The following ANKRD30B variants were observed in gnomAD, a reference collection of about 807,000 sequenced individuals.
ANKRD30B encodes the protein ankyrin repeat domain 30B, also known as ankyrin repeat domain-containing protein 30B.
A neutral mutation model predicts 202.2 loss-of-function variants in ANKRD30B; 144 were observed. That is an observed-to-expected ratio of 0.71 (90% CI 0.62 to 0.82). The LOEUF is 0.82. ANKRD30B is among the 40% of genes least tolerant of loss of function. The pLI is 0.00. For missense variants in ANKRD30B, 1,487 were observed against 1,669.1 expected (o/e 0.89, Z 1.90); for synonymous variants, 508 against 561.3 (o/e 0.91, Z 1.34).
chr18:14,832,084 T>C (rs1215373721), intron 34 of ANKRD30B, among the ~76,000 whole-genome samples: 2 of 152,220 alleles, frequency 1.3e-5, no homozygotes, highest in African/African-American at 4.8e-5. Flanking sequence ...GAAAATTTAT[T>C]TGGGCATGAT....
chr18:14,886,654 G>T, the ANKRD30B span, among the ~76,000 whole-genome samples: 2 of 152,050 alleles, frequency 1.3e-5, no homozygotes, highest in African/African-American at 4.8e-5. Flanking sequence ...CTTTCAAAAT[G>T]AAGATTAGTT....
At chr18:14,916,071 A>G in the ANKRD30B span, among the ~76,000 whole-genome samples, 720 of 152,332 alleles carry the variant, frequency 4.7e-3, 5 homozygotes, top group African/African-American at 0.016. Flanking sequence ...ATCAATGCCT[A>G]TGGATACAGA....
rs779160851 is a variant in ANKRD30B, at chr18:14,784,531, A to G, written c.1668A>G (p.Arg556=). 1 of 1,612,716 alleles carries G rather than the reference A, an allele frequency of 6.2e-7. No homozygotes were observed. Among genetic ancestry groups the G allele is most frequent in the Non-Finnish European group, 8.5e-7 (1 of 1,179,058 alleles). The part of the protein sequence containing the change: ...AFELKNEQTL[R]AAQMFPSESK... The stretch of plus-strand genomic sequence containing the variant: ...AATTGAAGAATGAACAAACATTGAG[A>G]GCAGGTAAATTTTTCAATTTAACTA... Residue 556 remains arginine (R), a synonymous_variant, in exon 14 of 44, where the codon AGA becomes AGG. Transcript: ENST00000690538.
At position 14,822,582 on chromosome 18, in the gene ANKRD30B, A is replaced by G. The variant is rs747754115; in HGVS notation, c.2671-23A>G. 31 of 1,173,550 alleles carry G rather than the reference A, an allele frequency of 2.6e-5. No individual in the cohort carries two copies. The African/African-American group carries it at 4.3e-4, about 16-fold the overall frequency. The allele number at this position is 1,173,550 out of a possible 1,614,324, so 72.7% of individuals were successfully genotyped here. A position where few individuals can be genotyped will look rare whatever the true frequency, so the allele number is the denominator to read the frequency against. ...ATGAAGTATACATTATATAGTAATT[A>G]TTGTGTTTCCAAACCCATTTAGCCT... On this transcript the variant is annotated intron_variant, in intron 31 of 43. Transcript: ENST00000690538.
intron 39 of ANKRD30B, among the ~76,000 whole-genome samples, chr18:14,847,736 AG>A (rs1290506788): frequency 6.6e-6 from 1 of 151,592 alleles, no homozygotes; most frequent in Non-Finnish European, 1.5e-5. Flanking sequence ...ACCTGAGGCA[AG>A]GCCTTTCAGA....
the ANKRD30B span, among the ~76,000 whole-genome samples, chr18:14,922,129 ATTTG>A: frequency 6.6e-6 from 1 of 152,232 alleles, no homozygotes; most frequent in African/African-American, 2.4e-5. Context: ...CAGGAGGAGA[ATTTG>A]TTTGTTGGAG....
chr18:14,846,453 TG>T (rs1971641775), intron 39 of ANKRD30B, among the ~76,000 whole-genome samples: 1 of 151,778 alleles, frequency 6.6e-6, no homozygotes, highest in Non-Finnish European at 1.5e-5. Flanking sequence ...TTCTGAAGAA[TG>T]GTGTTAAGTC....
At chr18:14,771,039 G>T (rs1343611684) in intron 8 of ANKRD30B, among the ~76,000 whole-genome samples, 1 of 152,076 alleles carries the variant, frequency 6.6e-6, no homozygotes, top group Non-Finnish European at 1.5e-5. Flanking sequence ...ATAAAGCAGG[G>T]GTAAGATTGA....
intron 42 of ANKRD30B, chr18:14,852,686 T>A (rs1219287393): frequency 3.9e-6 from 1 of 253,860 alleles, no homozygotes; most frequent in African/African-American, 2.2e-5. Flanking sequence ...CATTGGCTTA[T>A]ACTGCTGAAA....
intron 14 of ANKRD30B, among the ~76,000 whole-genome samples, chr18:14,786,779 C>A (rs971168713): frequency 6.6e-6 from 1 of 152,080 alleles, no homozygotes; most frequent in Non-Finnish European, 1.5e-5. Context: ...GATATGATTG[C>A]TTTGTGAAGA....
the ANKRD30B span, among the ~76,000 whole-genome samples, chr18:14,938,044 C>T: frequency 6.6e-6 from 1 of 152,190 alleles, no homozygotes; most frequent in Admixed American, 6.5e-5. Flanking sequence ...TGATGATGCT[C>T]ATCTTCCCAG....
chr18:14,751,405 C>T (rs765630704), intron 1 of ANKRD30B, among the ~76,000 whole-genome samples: 6 of 151,970 alleles, frequency 3.9e-5, no homozygotes, highest in Non-Finnish European at 8.8e-5. Context: ...TTAAAAATTT[C>T]ATGTTTACCT....
chr18:14,785,752 G>A (rs1968039002), intron 14 of ANKRD30B, among the ~76,000 whole-genome samples: 1 of 152,184 alleles, frequency 6.6e-6, no homozygotes, highest in African/African-American at 2.4e-5. Flanking sequence ...CATCAGGGAT[G>A]CTGAGATCAC....
intron 4 of ANKRD30B, among the ~76,000 whole-genome samples, chr18:14,756,776 C>A (rs1318763589): frequency 1.3e-5 from 2 of 152,132 alleles, no homozygotes; most frequent in Admixed American, 1.3e-4. Flanking sequence ...CCTGTAGTCC[C>A]AGCTACTCAG....
intron 5 of ANKRD30B, among the ~76,000 whole-genome samples, chr18:14,758,676 A>C (rs1598570541): frequency 6.6e-6 from 1 of 152,116 alleles, no homozygotes; most frequent in East Asian, 1.9e-4. Context: ...CTCCCACTCA[A>C]AACCTGATGT....
the ANKRD30B span, chr18:14,883,622 C>T: frequency 2.7e-5 from 4 of 149,188 alleles, no homozygotes; most frequent in Non-Finnish European, 5.9e-5. Flanking sequence ...AGAGGAATTC[C>T]AGCTGGAATC....
At chr18:14,789,089 A>G (rs1195562653) in intron 15 of ANKRD30B, among the ~76,000 whole-genome samples, 1 of 152,044 alleles carries the variant, frequency 6.6e-6, no homozygotes, top group South Asian at 2.1e-4. Context: ...TTGCCATTCT[A>G]ACTGGTGTGA....
chr18:14,826,726 C>CACACACACACAA, intron 32 of ANKRD30B, among the ~76,000 whole-genome samples: 1 of 149,226 alleles, frequency 6.7e-6, no homozygotes, highest in Admixed American at 6.7e-5. Flanking sequence ...CACACACACA[C>CACACACACACAA]AAGTACAGTA....
the ANKRD30B span, among the ~76,000 whole-genome samples, chr18:14,875,401 C>A: frequency 2.4e-4 from 37 of 152,314 alleles, no homozygotes; most frequent in African/African-American, 8.9e-4. Flanking sequence ...GACAGAAGGG[C>A]ATCTGGACAG....
Sources: gnomAD v4.1 joint callset for allele counts (sites outside exome capture counted in the v4.1 genomes callset) on GRCh38, gnomAD v4.1.1 for gene constraint, MANE v1.5 for transcripts, NCBI Gene and HGNC (gene_info 2026-07-23, HGNC 2026-07-21) for gene names.